WDR70: variants seen among roughly 807,000 people sequenced by gnomAD.
WDR70 encodes the protein WD repeat-containing protein 70.
WDR70 carries 53 observed loss-of-function variants against 88.6 expected under a neutral mutation model. The ratio of observed to expected loss-of-function variants is 0.60; its 90% CI spans 0.48 to 0.75. The LOEUF is 0.75. Ranked by LOEUF, WDR70 falls within the 30% of genes least tolerant of loss-of-function variation. The probability of loss-of-function intolerance (pLI) is 0.00; values close to 1 mark genes in which losing one functional copy is unlikely to be tolerated. For synonymous variants in WDR70, 280 were observed against 270.0 expected (o/e 1.04, Z -0.36); for missense variants, 610 against 823.2 (o/e 0.74, Z 3.17).
At chr5:37,449,590 C>CAAAAAAAAAA (rs376148041) in intron 7 of WDR70, among the ~76,000 whole-genome samples, 2 of 85,766 alleles carry the variant, frequency 2.3e-5, no homozygotes, top group African/African-American at 8.6e-5. Flanking sequence ...AATTTTGTCT[C>CAAAAAAAAAA]AAAAAAAAAA....
chr5:37,478,167 C>T (rs4334908), intron 7 of WDR70, among the ~76,000 whole-genome samples: 130,180 of 152,236 alleles, frequency 0.86, 59,270 homozygotes, highest in East Asian at 1. Context: ...ATTTGTCACT[C>T]TCAGCCTTTT....
At chr5:37,522,846 C>T (rs1418025466) in intron 9 of WDR70, among the ~76,000 whole-genome samples, 1 of 152,222 alleles carries the variant, frequency 6.6e-6, no homozygotes. Flanking sequence ...CTGTGCCTGG[C>T]TCAGAGGGTC....
intron 13 of WDR70, among the ~76,000 whole-genome samples, chr5:37,711,442 T>C (rs928948921): frequency 2.0e-5 from 3 of 152,166 alleles, no homozygotes; most frequent in Admixed American, 2.0e-4. Context: ...CGTCAGATCA[T>C]TTTTTTCTTT....
intron 10 of WDR70, among the ~76,000 whole-genome samples, chr5:37,641,164 C>CA (rs1191448594): frequency 3.3e-5 from 5 of 152,220 alleles, no homozygotes; most frequent in Non-Finnish European, 5.9e-5. Flanking sequence ...GGCTGGAGTG[C>CA]AGTGGCACGA....
At chr5:37,704,301 G>C (rs777884267) in intron 13 of WDR70, among the ~76,000 whole-genome samples, 3 of 152,184 alleles carry the variant, frequency 2.0e-5, no homozygotes, top group Non-Finnish European at 2.9e-5. Flanking sequence ...GTAATTGGTT[G>C]TTCCAGAAAT....
intron 7 of WDR70, among the ~76,000 whole-genome samples, chr5:37,453,202 G>A (rs940032763): frequency 6.6e-6 from 1 of 152,120 alleles, no homozygotes; most frequent in African/African-American, 2.4e-5. Context: ...TAACCCAGTG[G>A]CACTAGAGAA....
At chr5:37,730,373 T>C (rs938975531) in intron 17 of WDR70, among the ~76,000 whole-genome samples, 1 of 152,170 alleles carries the variant, frequency 6.6e-6, no homozygotes, top group African/African-American at 2.4e-5. Context: ...CCCCCATCTT[T>C]ATTGAGGTAT....
chr5:37,461,856 C>G (rs1033968790), intron 7 of WDR70, among the ~76,000 whole-genome samples: 1 of 152,118 alleles, frequency 6.6e-6, no homozygotes, highest in Non-Finnish European at 1.5e-5. Flanking sequence ...TATATTGTCT[C>G]TTCCACATTG....
At chr5:37,558,495 A>AT (rs547623259) in intron 9 of WDR70, among the ~76,000 whole-genome samples, 5,650 of 145,270 alleles carry the variant, frequency 0.039, 129 homozygotes, top group Middle Eastern at 0.063. Context: ...TTAAAAAAAA[A>AT]TTTTTTTTTT....
At chr5:37,495,442 ATCTC>A (rs139533160) in intron 8 of WDR70, among the ~76,000 whole-genome samples, 84 of 148,306 alleles carry the variant, frequency 5.7e-4, no homozygotes, top group South Asian at 1.3e-3. Context: ...ATTATCAGCA[ATCTC>A]TCTCTCTCTC....
At chr5:37,453,875 A>G (rs770148644) in intron 7 of WDR70, among the ~76,000 whole-genome samples, 46 of 152,088 alleles carry the variant, frequency 3.0e-4, no homozygotes, top group Non-Finnish European at 5.0e-4. Context: ...TTTCCTCACC[A>G]TACTGTCAAA....
chr5:37,467,352 T>C (rs1023954488), intron 7 of WDR70, among the ~76,000 whole-genome samples: 6 of 151,940 alleles, frequency 3.9e-5, no homozygotes, highest in Non-Finnish European at 7.4e-5. Context: ...AGATTGGAAA[T>C]GGCCATCTTC....
At chr5:37,654,394 G>A (rs1745493248) in intron 10 of WDR70, among the ~76,000 whole-genome samples, 1 of 152,074 alleles carries the variant, frequency 6.6e-6, no homozygotes, top group African/African-American at 2.4e-5. Context: ...AAGTGCGATG[G>A]GGTGCTGAGA....
chr5:37,599,311 A>T (rs775477767), intron 9 of WDR70, among the ~76,000 whole-genome samples: 3 of 152,232 alleles, frequency 2.0e-5, no homozygotes, highest in Non-Finnish European at 4.4e-5. Flanking sequence ...CTAAGAATAC[A>T]GTTGCATTTA....
intron 10 of WDR70, among the ~76,000 whole-genome samples, chr5:37,679,023 T>C (rs906172962): frequency 7.9e-5 from 12 of 152,280 alleles, no homozygotes; most frequent in African/African-American, 2.7e-4. Context: ...GTTGATCACA[T>C]CAGCTCCTGA....
At chr5:37,542,121 T>C (rs958805705) in intron 9 of WDR70, among the ~76,000 whole-genome samples, 1 of 152,178 alleles carries the variant, frequency 6.6e-6, no homozygotes, top group Admixed American at 6.5e-5. Flanking sequence ...CTCAGTGATA[T>C]ACCATCTAGA....
chr5:37,530,426 C>G (rs1395333653), intron 9 of WDR70, among the ~76,000 whole-genome samples: 1 of 152,000 alleles, frequency 6.6e-6, no homozygotes, highest in East Asian at 1.9e-4. Flanking sequence ...GTGAATTCTT[C>G]TGTCCTAGAT....
rs59254502 is a variant in WDR70 at position 37,455,636 on chromosome 5, CTTTTT to C, written c.686+12279_686+12283del. Among the ~76,000 whole-genome samples the C allele has an allele frequency of 5.0e-4, 35 of 70,442 alleles. No individual in the cohort carries two copies. In the Admixed American group the frequency reaches 5.8e-3, roughly 12 times the overall value. 46.2% of individuals were successfully genotyped at this position (70,442 alleles called of 152,430 possible). A position where few individuals can be genotyped will look rare whatever the true frequency, so the allele number is the denominator to read the frequency against. On this transcript the variant is annotated intron_variant, in intron 7 of 17. Transcript: ENST00000265107. ...TTCTCTCGGGTCCAGTTCTCTTTAT[CTTTTT>C]TTTTTTTTTTTTTTGCCACAATTTG...
chr5:37,402,443 T>G (rs770634683), intron 5 of WDR70, among the ~76,000 whole-genome samples: 1 of 152,026 alleles, frequency 6.6e-6, no homozygotes, highest in Non-Finnish European at 1.5e-5. Flanking sequence ...AATGTGAATT[T>G]CCTTTCCTTT....
Sources: allele counts gnomAD v4.1 joint callset (sites outside exome capture counted in the v4.1 genomes callset), GRCh38; gene constraint gnomAD v4.1.1; transcripts MANE v1.5; gene names NCBI Gene and HGNC (gene_info 2026-07-23, HGNC 2026-07-21).